Variants in RHOJ observed in about 807,000 individuals in gnomAD.
The protein encoded by RHOJ is rho-related GTP-binding protein RhoJ.
RHOJ carries 11 observed loss-of-function variants against 23.4 expected under a neutral mutation model. The observed-to-expected ratio is 0.47, with a 90% CI of 0.30 to 0.78. The LOEUF (loss-of-function observed/expected upper bound fraction) is 0.78, where lower values mean the gene tolerates loss of function less well. Among genes scored for constraint, RHOJ ranks in the 30% least tolerant of loss-of-function variants. RHOJ has a pLI of 0.08. For missense variants in RHOJ, 254 were observed against 273.4 expected (o/e 0.93, Z 0.50); for synonymous variants, 102 against 102.7 (o/e 0.99, Z 0.04).
At chr14:63,231,768 G>A (rs778843247) in intron 1 of RHOJ, among the ~76,000 whole-genome samples, 1 of 152,188 alleles carries the variant, frequency 6.6e-6, no homozygotes. Context: ...AATATCGGTG[G>A]CTTCTGCTAT....
In RHOJ at chr14:63,292,024, G is replaced by T. The variant is rs1333804831; in HGVS notation, c.*1000G>T. Reference sequence around the variant, plus strand: ...TGCCCGGATCCTTTTATTCTCCCCAGTTATAACCCAGTTATAAAAGAAAGA... The same window carrying T: ...TGCCCGGATCCTTTTATTCTCCCCATTTATAACCCAGTTATAAAAGAAAGA... On this transcript the variant is annotated 3_prime_UTR_variant, in exon 5 of 5. Coordinates refer to ENST00000316754, the MANE Select transcript of RHOJ (RefSeq NM_020663.5). 6.6e-6 allele frequency: 1 copy of T among 152,004 alleles called. No homozygotes were observed. Among genetic ancestry groups the T allele is most frequent in the African/African-American group, 2.4e-5 (1 of 41,372 alleles). The allele number at this position is 152,004 out of a possible 1,614,324, so 9.4% of individuals were successfully genotyped here. A position where few individuals can be genotyped will look rare whatever the true frequency, so the allele number is the denominator to read the frequency against.
chr14:63,259,688 T>C (rs1202480381), intron 1 of RHOJ, among the ~76,000 whole-genome samples: 1 of 152,184 alleles, frequency 6.6e-6, no homozygotes, highest in Non-Finnish European at 1.5e-5. Context: ...AATTATCATA[T>C]ATACAATCCT....
intron 1 of RHOJ, among the ~76,000 whole-genome samples, chr14:63,224,163 T>G (rs1251638720): frequency 6.6e-6 from 1 of 152,172 alleles, no homozygotes; most frequent in African/African-American, 2.4e-5. Flanking sequence ...ACTTAATTTA[T>G]TAAATGTGCC....
At position 63,259,897 on chromosome 14, in the gene RHOJ, TA is replaced by T. The variant is rs1215747534; in HGVS notation, c.179-9209del. Among the ~76,000 whole-genome samples the T allele has an allele frequency of 2.6e-5, 4 of 152,210 alleles. No individual in the cohort carries two copies. The South Asian group carries it at 6.2e-4, about 24-fold the overall frequency. The stretch of plus-strand genomic sequence containing the variant: ...AATAAAGGGAAAAACCACAAATACA[TA>T]AAATTCTAGGACTGAATAACAAAGA... On this transcript the variant is annotated intron_variant, in intron 1 of 4. Transcript: ENST00000316754.
At chr14:63,215,613 G>A (rs1012390792) in intron 1 of RHOJ, among the ~76,000 whole-genome samples, 3 of 151,522 alleles carry the variant, frequency 2.0e-5, no homozygotes, top group Admixed American at 2.0e-4. Context: ...CAAGAAAACC[G>A]AAGCTCAGAG....
Position 63,205,097 on chromosome 14 carries a change from C to T in RHOJ, c.178+50C>T, listed in dbSNP as rs781701540. The T allele has an allele frequency of 1.5e-5, 24 of 1,568,466 alleles. No homozygotes were observed. In the South Asian group the frequency reaches 2.0e-4, roughly 13 times the overall value. On this transcript the variant is annotated intron_variant, in intron 1 of 4. Coordinates refer to ENST00000316754, the MANE Select transcript of RHOJ (RefSeq NM_020663.5). The stretch of plus-strand genomic sequence containing the variant: ...GCATCCAGACAAACGATGCAGGGGG[C>T]GAGACCCTAAGTTCAGAGGGGCCTG...
chr14:63,291,260 T>C lies in RHOJ; in HGVS notation c.*236T>C. 5 of 550,676 alleles carry C rather than the reference T, an allele frequency of 9.1e-6. No individual in the cohort carries two copies. The highest frequency in any genetic ancestry group is 1.6e-5 in the Non-Finnish European group (5 of 304,338). 34.1% of individuals were successfully genotyped at this position (550,676 alleles called of 1,614,324 possible). ...GCTGTCTGAGAATGCTGGGCCTGGA[T>C]TGCAGACAGTGCCGCTGCTGATCGC... On this transcript the variant is annotated 3_prime_UTR_variant, in exon 5 of 5. Coordinates refer to ENST00000316754, the MANE Select transcript of RHOJ (RefSeq NM_020663.5).
chr14:63,256,132 C>T (rs1566620984), intron 1 of RHOJ, among the ~76,000 whole-genome samples: 1 of 152,112 alleles, frequency 6.6e-6, no homozygotes, highest in Non-Finnish European at 1.5e-5. Context: ...AGAAGCGATC[C>T]TCCTGCTTTG....
At chr14:63,219,381 T>C (rs1894434621) in intron 1 of RHOJ, among the ~76,000 whole-genome samples, 1 of 152,210 alleles carries the variant, frequency 6.6e-6, no homozygotes, top group Non-Finnish European at 1.5e-5. Context: ...TTCAGAGGAT[T>C]TAATGCACTT....
chr14:63,283,024 G>T (rs1881959370), intron 3 of RHOJ, 97 bp from the exon 4 acceptor site: 1 of 959,098 alleles, frequency 1.0e-6, no homozygotes, highest in East Asian at 2.4e-5. Flanking sequence ...CAACTTCAAA[G>T]ATGTTAACAG....
chr14:63,258,216 GA>G (rs1251170418), intron 1 of RHOJ, among the ~76,000 whole-genome samples: 1 of 118,432 alleles, frequency 8.4e-6, no homozygotes, highest in Non-Finnish European at 1.7e-5. Flanking sequence ...CAACAAGAGT[GA>G]AACTCTGTCC....
chr14:63,284,183 T>G, intron 4 of RHOJ: 1 of 973,976 alleles, frequency 1.0e-6, no homozygotes. Flanking sequence ...TTGTATGCAT[T>G]TATCTTATTA....
chr14:63,207,177 G>A (rs1009686579), intron 1 of RHOJ, among the ~76,000 whole-genome samples: 2 of 151,962 alleles, frequency 1.3e-5, no homozygotes, highest in Non-Finnish European at 2.9e-5. Flanking sequence ...GACTACAGGC[G>A]CACGCAACCA....
At chr14:63,261,428 C>CT (rs1245508289) in intron 1 of RHOJ, among the ~76,000 whole-genome samples, 20 of 150,300 alleles carry the variant, frequency 1.3e-4, no homozygotes, top group Admixed American at 3.3e-4. Flanking sequence ...TGCCTTTTTT[C>CT]TTTTTTTTCC....
intron 2 of RHOJ, among the ~76,000 whole-genome samples, chr14:63,269,711 T>C (rs10148219): frequency 0.18 from 27,143 of 152,020 alleles, 2,775 homozygotes; most frequent in African/African-American, 0.28. Flanking sequence ...TAACTGGAGG[T>C]TGACTCTAAC....
chr14:63,287,080 C>T (rs948127840), intron 4 of RHOJ, among the ~76,000 whole-genome samples: 1 of 152,224 alleles, frequency 6.6e-6, no homozygotes, highest in Non-Finnish European at 1.5e-5. Context: ...ATCTTCTCTT[C>T]TTTTCTCTCC....
chr14:63,218,256 A>T (rs1231023516), intron 1 of RHOJ, among the ~76,000 whole-genome samples: 1 of 152,204 alleles, frequency 6.6e-6, no homozygotes, highest in African/African-American at 2.4e-5. Context: ...GCTTATTGAC[A>T]TTCATATTCA....
chr14:63,272,465 T>C (rs1895488627), intron 2 of RHOJ, among the ~76,000 whole-genome samples: 1 of 152,216 alleles, frequency 6.6e-6, no homozygotes, highest in East Asian at 1.9e-4. Flanking sequence ...CCATCTTGCT[T>C]GAATAATTAG....
chr14:63,247,534 C>A lies in RHOJ; in HGVS notation c.179-21576C>A, dbSNP rs181213647. On this transcript the variant is annotated intron_variant, in intron 1 of 4. Coordinates refer to ENST00000316754, the MANE Select transcript of RHOJ (RefSeq NM_020663.5). ...ATGATGGACATTTTCATTGTAAATT[C>A]TCTTGGAAGAGACTACTAAGTTTCT... Among the ~76,000 whole-genome samples the A allele has an allele frequency of 2.5e-3, 379 of 152,190 alleles. 2 individuals carry two copies. The highest frequency in any genetic ancestry group is 5.9e-3 in the Admixed American group (90 of 15,286).
Sources: gnomAD v4.1 joint callset for allele counts (sites outside exome capture counted in the v4.1 genomes callset) on GRCh38, gnomAD v4.1.1 for gene constraint, MANE v1.5 for transcripts, NCBI Gene and HGNC (gene_info 2026-07-23, HGNC 2026-07-21) for gene names.